Variants in WDR93 observed in about 807,000 individuals in gnomAD.
WDR93 encodes WD repeat-containing protein 93.
WDR93 carries 73 observed loss-of-function variants against 82.9 expected under a neutral mutation model. The observed-to-expected ratio is 0.88, with a 90% CI of 0.73 to 1.07. WDR93 has a LOEUF of 1.07. Ranked by LOEUF, WDR93 falls within the 50% of genes least tolerant of loss-of-function variation. The probability of loss-of-function intolerance (pLI) is 0.00; values close to 1 mark genes in which losing one functional copy is unlikely to be tolerated. For synonymous variants in WDR93, 283 were observed against 300.1 expected (o/e 0.94, Z 0.59); for missense variants, 738 against 826.0 (o/e 0.89, Z 1.31).
intron 11 of WDR93, among the ~76,000 whole-genome samples, chr15:89,730,454 T>C (rs534385307): frequency 6.6e-6 from 1 of 152,310 alleles, no homozygotes; most frequent in East Asian, 1.9e-4. Flanking sequence ...CAACCCACTT[T>C]TCATGCAGAA....
chr15:89,703,639 G>C (rs1189522731), intron 3 of WDR93: 2 of 156,766 alleles, frequency 1.3e-5, no homozygotes. Context: ...CCAAAAGCTA[G>C]GCTCCCTCTA....
At chr15:89,691,135 C>CAT (rs1403802709) in intron 1 of WDR93, among the ~76,000 whole-genome samples, 3 of 152,156 alleles carry the variant, frequency 2.0e-5, no homozygotes, top group Admixed American at 2.0e-4. Flanking sequence ...CCTTGAGCTA[C>CAT]ACCAGCTCTA....
intron 1 of WDR93, among the ~76,000 whole-genome samples, chr15:89,695,976 C>A (rs542073517): frequency 3.3e-5 from 5 of 152,026 alleles, no homozygotes; most frequent in Non-Finnish European, 5.9e-5. Context: ...ACCACCACAC[C>A]CAGCTTATTT....
chr15:89,725,390 T>C (rs1394842540), intron 8 of WDR93, among the ~76,000 whole-genome samples: 1 of 152,058 alleles, frequency 6.6e-6, no homozygotes, highest in Non-Finnish European at 1.5e-5. Flanking sequence ...AATGAAACTA[T>C]GGTGTTGAGG....
Position 89,743,330 on chromosome 15 carries a change from A to T in WDR93, c.2000A>T (p.Glu667Val). 1 of 1,614,188 alleles carries T rather than the reference A, an allele frequency of 6.2e-7. No homozygotes were observed. Among genetic ancestry groups the T allele is most frequent in the Non-Finnish European group, 8.5e-7 (1 of 1,180,034 alleles). The part of the protein sequence containing the change: ...KLEKNPEKEE[E>V]HWARLQRYSL... ...GAGAAGAACCCAGAGAAGGAGGAGG[A>T]GCACTGGGCCCGGCTTCAGAGGTAC... is the stretch of plus-strand genomic sequence containing the variant. The change falls in exon 17 of 17, where the codon GAG becomes GTG. Residue 667 changes from glutamate (E) to valine (V), a missense_variant. By Grantham distance (121) the Glu-to-Val change is moderately radical. Transcript: ENST00000268130.
chr15:89,702,842 A>G, intron 2 of WDR93, 108 bp from the exon 3 acceptor site: 1 of 1,261,376 alleles, frequency 7.9e-7, no homozygotes, highest in Non-Finnish European at 1.1e-6. Flanking sequence ...TCCAGCCAGG[A>G]AATGTTATTA....
upstream of WDR93, chr15:89,690,539 G>A (rs1189692814): frequency 6.6e-7 from 1 of 1,511,946 alleles, no homozygotes; most frequent in East Asian, 2.5e-5. Context: ...GCCGAGTTAG[G>A]GCGAGAAAGG....
chr15:89,710,369 TAAG>T (rs1474955739), intron 4 of WDR93, among the ~76,000 whole-genome samples: 4 of 152,132 alleles, frequency 2.6e-5, no homozygotes, highest in Non-Finnish European at 5.9e-5. Context: ...ATATGAAACT[TAAG>T]AACAGGCGAA....
intron 13 of WDR93, among the ~76,000 whole-genome samples, chr15:89,734,872 T>A (rs1407823050): frequency 6.6e-6 from 1 of 152,198 alleles, no homozygotes. Context: ...CACATTTGTA[T>A]GACTGTATCT....
At chr15:89,722,178 T>C (rs1408435666) in intron 8 of WDR93, 39 bp downstream of exon 8, 1 of 1,387,138 alleles carries the variant, frequency 7.2e-7, no homozygotes, top group Non-Finnish European at 1.0e-6. Flanking sequence ...TGCCATTGAT[T>C]TATCTGTTCT....
intron 16 of WDR93, among the ~76,000 whole-genome samples, chr15:89,740,263 C>T (rs1967551734): frequency 2.0e-5 from 3 of 152,184 alleles, no homozygotes; most frequent in Admixed American, 2.0e-4. Flanking sequence ...CTCTCCGCTT[C>T]CTAGCTCATA....
At chr15:89,694,881 C>G (rs571471987) in intron 1 of WDR93, among the ~76,000 whole-genome samples, 3 of 152,112 alleles carry the variant, frequency 2.0e-5, no homozygotes, top group African/African-American at 4.8e-5. Flanking sequence ...GATCGGCATT[C>G]ATTTTTTTCC....
intron 7 of WDR93, chr15:89,721,008 T>G (rs1966502614): frequency 6.6e-6 from 1 of 152,248 alleles, no homozygotes; most frequent in Non-Finnish European, 1.5e-5. Context: ...AATTAGATGC[T>G]TAACAATTTG....
At chr15:89,712,487 T>C (rs746043809) in intron 5 of WDR93, among the ~76,000 whole-genome samples, 32 of 144,718 alleles carry the variant, frequency 2.2e-4, no homozygotes, top group Non-Finnish European at 4.2e-4. Context: ...TCCTCCTACC[T>C]AGGATGGTTT....
chr15:89,722,877 C>T (rs1966581284), intron 8 of WDR93, among the ~76,000 whole-genome samples: 1 of 151,854 alleles, frequency 6.6e-6, no homozygotes. Context: ...AAAATGTTTA[C>T]GGTAGCATTA....
At chr15:89,729,594 G>T in intron 10 of WDR93, 89 bp from the exon 11 acceptor site, 1 of 985,900 alleles carries the variant, frequency 1.0e-6, no homozygotes, top group South Asian at 1.4e-5. Context: ...AGCTTCTCTT[G>T]GGCAAACACC....
chr15:89,701,682 T>G, intron 1 of WDR93, 25 bp from the exon 2 acceptor site: 11 of 1,537,924 alleles, frequency 7.2e-6, no homozygotes, highest in Non-Finnish European at 8.8e-6. Context: ...TCTTCCAGAA[T>G]TCCTTTGTTT....
intron 7 of WDR93, 104 bp downstream of exon 7, chr15:89,717,053 T>TTC: frequency 1.5e-6 from 1 of 689,654 alleles, no homozygotes; most frequent in Non-Finnish European, 2.1e-6. Context: ...TTCTTTTTTT[T>TTC]TTTTTTTTTT....
At chr15:89,696,931 G>C (rs1567094118) in intron 1 of WDR93, among the ~76,000 whole-genome samples, 1 of 151,858 alleles carries the variant, frequency 6.6e-6, no homozygotes, top group South Asian at 2.1e-4. Context: ...CAGTTGCTCT[G>C]CATCTTCACC....
Sources: allele counts gnomAD v4.1 joint callset (sites outside exome capture counted in the v4.1 genomes callset), GRCh38; gene constraint gnomAD v4.1.1; transcripts MANE v1.5; gene names NCBI Gene and HGNC (gene_info 2026-07-23, HGNC 2026-07-21).